The following EDIL3 variants were observed in gnomAD, a reference collection of about 807,000 sequenced individuals.
EDIL3 encodes EGF-like repeat and discoidin I-like domain-containing protein 3.
Under a neutral mutation model 67.4 loss-of-function variants are expected in EDIL3, and 37 were observed. The observed-to-expected ratio is 0.55, with a 90% confidence interval of 0.42 to 0.72. The LOEUF (loss-of-function observed/expected upper bound fraction) is 0.72, where lower values mean the gene tolerates loss of function less well. EDIL3 is among the 30% of genes least tolerant of loss of function. EDIL3 has a pLI of 0.00. For missense variants in EDIL3, 527 were observed against 586.3 expected, an observed-to-expected ratio of 0.90 and a Z score of 1.04; for synonymous variants, 195 against 196.3, an observed-to-expected ratio of 0.99 and a Z score of 0.05.
intron 4 of EDIL3, among the ~76,000 whole-genome samples, chr5:84,151,295 A>ACACACACACC (rs1480948726): frequency 6.6e-6 from 1 of 150,438 alleles, no homozygotes; most frequent in African/African-American, 2.5e-5. Flanking sequence ...ACACACACAC[A>ACACACACACC]CCCCGACACT....
chr5:83,966,045 C>T (rs545573166), intron 9 of EDIL3, among the ~76,000 whole-genome samples: 28 of 152,156 alleles, frequency 1.8e-4, no homozygotes, highest in African/African-American at 6.7e-4. Flanking sequence ...TCTAGAAAAG[C>T]CCATTCCTTA....
intron 3 of EDIL3, among the ~76,000 whole-genome samples, chr5:84,212,729 T>C (rs1288798862): frequency 6.6e-6 from 1 of 152,016 alleles, no homozygotes; most frequent in Non-Finnish European, 1.5e-5. Context: ...GGGGTGAGAA[T>C]AAGCACAACA....
intron 6 of EDIL3, among the ~76,000 whole-genome samples, chr5:84,101,954 C>G (rs1056366116): frequency 1.5e-4 from 23 of 152,012 alleles, no homozygotes; most frequent in African/African-American, 5.1e-4. Flanking sequence ...AATAGCACAA[C>G]TAAAAGCTTA....
chr5:84,205,885 T>G (rs1743967242), intron 3 of EDIL3, among the ~76,000 whole-genome samples: 2 of 150,144 alleles, frequency 1.3e-5, no homozygotes, highest in South Asian at 4.2e-4. Context: ...ATTAATTTTT[T>G]GAAGGGTTTT....
At chr5:84,089,536 A>G (rs189980012) in intron 6 of EDIL3, among the ~76,000 whole-genome samples, 2 of 152,280 alleles carry the variant, frequency 1.3e-5, no homozygotes, top group Admixed American at 1.3e-4. Flanking sequence ...CTAAAGCACA[A>G]TTCAACAATT....
chr5:84,222,293 C>G (rs1198332664), intron 3 of EDIL3, among the ~76,000 whole-genome samples: 1 of 151,880 alleles, frequency 6.6e-6, no homozygotes, highest in Non-Finnish European at 1.5e-5. Flanking sequence ...CTACTGCTAG[C>G]CCATATTCTA....
In EDIL3 at chr5:84,050,256, C is replaced by T. The variant is rs1003547712; in HGVS notation, c.1137+10044G>A. Among the ~76,000 whole-genome samples, 5 of 145,614 alleles carry T rather than the reference C, an allele frequency of 3.4e-5. No homozygotes were observed. In the East Asian group the frequency reaches 6.0e-4, roughly 18 times the overall value. On this transcript the variant is annotated intron_variant, in intron 9 of 10. Coordinates refer to ENST00000296591, the MANE Select transcript of EDIL3 (RefSeq NM_005711.5). The stretch of plus-strand genomic sequence containing the variant: ...GAATATTTGCTTGAGAAGTTCCAGA[C>T]ATTTTGATCTTATAGAAGTGAGTAG...
chr5:84,093,504 T>G lies in EDIL3; in HGVS notation c.651+13145A>C, dbSNP rs542287353. Among the ~76,000 whole-genome samples the G allele has an allele frequency of 4.6e-5, 7 of 152,214 alleles. No homozygotes were observed. The East Asian group carries it at 1.4e-3, about 29-fold the overall frequency. On this transcript the variant is annotated intron_variant, in intron 6 of 10. Transcript: ENST00000296591. The stretch of plus-strand genomic sequence containing the variant: ...TGATGGGGCTGAATCTAAAGAAGAC[T>G]GGAAGCTGGTCAATAGATGAACCAT...
intron 4 of EDIL3, among the ~76,000 whole-genome samples, chr5:84,139,957 T>C (rs1371023597): frequency 1.4e-4 from 22 of 151,870 alleles, no homozygotes; most frequent in Admixed American, 1.4e-3. Flanking sequence ...TGAAGGAGAG[T>C]GCTAGAATCC....
chr5:84,360,950 T>C (rs908505794), intron 1 of EDIL3, among the ~76,000 whole-genome samples: 1 of 152,068 alleles, frequency 6.6e-6, no homozygotes, highest in African/African-American at 2.4e-5. Flanking sequence ...CTTCTGGGGG[T>C]ATTTTTTCTT....
chr5:84,028,578 GACAC>G (rs201885314), intron 9 of EDIL3, among the ~76,000 whole-genome samples: 1 of 151,508 alleles, frequency 6.6e-6, no homozygotes, highest in Non-Finnish European at 1.5e-5. Flanking sequence ...CATACACACA[GACAC>G]ACACACACGT....
intron 1 of EDIL3, among the ~76,000 whole-genome samples, chr5:84,297,440 G>A (rs1746074468): frequency 6.6e-6 from 1 of 152,120 alleles, no homozygotes; most frequent in Non-Finnish European, 1.5e-5. Flanking sequence ...GTGGGAATTA[G>A]TTCAACCATT....
At chr5:84,142,311 A>G (rs993157961) in intron 4 of EDIL3, among the ~76,000 whole-genome samples, 3 of 152,030 alleles carry the variant, frequency 2.0e-5, no homozygotes, top group Admixed American at 6.6e-5. Flanking sequence ...CTCATTCTTC[A>G]TTACAGATTC....
At chr5:84,073,562 A>C (rs548507983) in intron 6 of EDIL3, among the ~76,000 whole-genome samples, 9 of 152,248 alleles carry the variant, frequency 5.9e-5, no homozygotes, top group African/African-American at 9.6e-5. Context: ...AACAGACAAA[A>C]AGAGAGCCAA....
chr5:83,975,518 T>C (rs1744863466), intron 9 of EDIL3, among the ~76,000 whole-genome samples: 1 of 151,924 alleles, frequency 6.6e-6, no homozygotes, highest in Admixed American at 6.6e-5. Context: ...TAGATTTAAA[T>C]AAAGAATTTT....
chr5:83,987,571 A>G (rs1298457318), intron 9 of EDIL3, among the ~76,000 whole-genome samples: 2 of 152,050 alleles, frequency 1.3e-5, no homozygotes, highest in Admixed American at 1.3e-4. Context: ...CTAAAAATCA[A>G]TTTTCCATTT....
Position 84,384,435 on chromosome 5 carries a change from C to T in EDIL3, c.-61G>A. On this transcript the variant is annotated 5_prime_UTR_variant, in exon 1 of 11. Coordinates refer to ENST00000296591, the MANE Select transcript of EDIL3 (RefSeq NM_005711.5). ...GGGTCGTCGCGGAGGGCAGTGTAGCCGAGGTGGCAGCGCAGGGCAGCAGCA... is the reference window on the plus strand; with the variant it reads ...GGGTCGTCGCGGAGGGCAGTGTAGCTGAGGTGGCAGCGCAGGGCAGCAGCA... The T allele has an allele frequency of 3.8e-6, 6 of 1,576,220 alleles. No homozygotes were observed. The highest frequency in any genetic ancestry group is 5.2e-6 in the Non-Finnish European group (6 of 1,149,748).
intron 9 of EDIL3, among the ~76,000 whole-genome samples, chr5:84,049,036 A>C (rs1746282743): frequency 6.6e-6 from 1 of 152,156 alleles, no homozygotes. Flanking sequence ...AGACACAAAA[A>C]CACATAACTG....
intron 3 of EDIL3, among the ~76,000 whole-genome samples, chr5:84,183,823 T>C (rs1749056064): frequency 6.6e-6 from 1 of 152,142 alleles, no homozygotes; most frequent in South Asian, 2.1e-4. Flanking sequence ...ACAGTGATTC[T>C]GGGCAGGTGC....
Sources: gnomAD v4.1 joint callset for allele counts (sites outside exome capture counted in the v4.1 genomes callset) on GRCh38, gnomAD v4.1.1 for gene constraint, MANE v1.5 for transcripts, NCBI Gene and HGNC (gene_info 2026-07-23, HGNC 2026-07-21) for gene names.